The following ADAM23 variants were observed in gnomAD, a reference collection of about 807,000 sequenced individuals.
ADAM23 encodes disintegrin and metalloproteinase domain-containing protein 23.
Under a neutral mutation model 120.1 loss-of-function variants are expected in ADAM23, and 33 were observed. The ratio of observed to expected loss-of-function variants is 0.27; its 90% confidence interval spans 0.21 to 0.37. The LOEUF is 0.37. Among genes scored for constraint, ADAM23 ranks in the 10% least tolerant of loss-of-function variants. The pLI, the probability that ADAM23 is intolerant of heterozygous loss-of-function variation, is 1.00. For missense variants in ADAM23, 862 were observed against 1,058.2 expected, an observed-to-expected ratio of 0.81 and a Z score of 2.57; for synonymous variants, 367 against 375.2, an observed-to-expected ratio of 0.98 and a Z score of 0.25.
At chr2:206,473,902 A>G (rs1053864699) in intron 2 of ADAM23, among the ~76,000 whole-genome samples, 4 of 150,150 alleles carry the variant, frequency 2.7e-5, no homozygotes, top group Admixed American at 6.7e-5. Context: ...GGTCCCAGCT[A>G]TTTGGGAGGC....
intron 2 of ADAM23, among the ~76,000 whole-genome samples, chr2:206,455,194 T>C (rs1384160074): frequency 6.6e-6 from 1 of 152,250 alleles, no homozygotes; most frequent in Non-Finnish European, 1.5e-5. Context: ...GCCTTGACTT[T>C]TACCTTCTGC....
rs3732079 is a variant in ADAM23 at position 206,594,743 on chromosome 2, C to T, written c.2085C>T (p.Ala695=). 173,703 of 1,613,514 alleles carry T rather than the reference C, an allele frequency of 0.11. 10,728 individuals carry two copies. The highest frequency in any genetic ancestry group is 0.23 in the African/African-American group (17,258 of 74,902). Residue 695 remains alanine (A), a synonymous_variant, in exon 23 of 26, where the codon GCC becomes GCT. Coordinates refer to ENST00000264377, the MANE Select transcript of ADAM23 (RefSeq NM_003812.4). ...GGTATCTTTCTTGTTTTAGTGGTGCCCATGTAGTTTTAGATGATGATACGG... is the reference window on the plus strand; with the variant it reads ...GGTATCTTTCTTGTTTTAGTGGTGCTCATGTAGTTTTAGATGATGATACGG... ...HQGRVIDCSG[A]HVVLDDDTDV... is the part of the protein sequence containing the mutation.
intron 22 of ADAM23, among the ~76,000 whole-genome samples, chr2:206,594,455 G>A (rs971116434): frequency 3.2e-4 from 48 of 152,102 alleles, no homozygotes; most frequent in African/African-American, 1.1e-3. Flanking sequence ...TAGTCTTAAT[G>A]TTGGGTCTTG....
At chr2:206,520,819 C>T (rs2105789957) in intron 3 of ADAM23, among the ~76,000 whole-genome samples, 1 of 152,130 alleles carries the variant, frequency 6.6e-6, no homozygotes, top group South Asian at 2.1e-4. Context: ...TCTAGAGTTC[C>T]CTTTCCTTTG....
At position 206,547,496 on chromosome 2, in the gene ADAM23, A is replaced by G; in HGVS notation, c.788A>G (p.Asn263Ser). Residue 263 changes from asparagine to serine, a missense_variant, in exon 7 of 26, where the codon AAT becomes AGT. Around this residue, in one of 4 missense-constraint regions of ADAM23, gnomAD observed 617 missense variants for 813.5 expected, o/e 0.76. Coordinates refer to ENST00000264377, the MANE Select transcript of ADAM23 (RefSeq NM_003812.4). ...GGACAGTATTCTAAGCAAATGAAGA[A>G]TCTCAGTAAGTTTTAACTAAAAATA... is the stretch of plus-strand genomic sequence containing the variant. ...LAGQYSKQMK[N>S]LTMERGDQWP... 6.2e-7 allele frequency: 1 copy of G among 1,610,100 alleles called. No individual in the cohort carries two copies.
intron 2 of ADAM23, among the ~76,000 whole-genome samples, chr2:206,472,974 G>A (rs986768587): frequency 3.9e-5 from 6 of 152,096 alleles, no homozygotes; most frequent in Non-Finnish European, 7.4e-5. Flanking sequence ...GCCTTCAAAC[G>A]GTATGACTTA....
At chr2:206,519,559 ATAG>A (rs1696803925) in intron 3 of ADAM23, among the ~76,000 whole-genome samples, 1 of 152,132 alleles carries the variant, frequency 6.6e-6, no homozygotes, top group African/African-American at 2.4e-5. Flanking sequence ...ACTTTGTATG[ATAG>A]TAGTTTTGTA....
intron 18 of ADAM23, among the ~76,000 whole-genome samples, chr2:206,584,237 A>G (rs1698276492): frequency 6.6e-6 from 1 of 152,134 alleles, no homozygotes; most frequent in African/African-American, 2.4e-5. Flanking sequence ...AGCTGTGGAT[A>G]CCAGTGCCTG....
chr2:206,532,452 A>C (rs1697084032), intron 4 of ADAM23, among the ~76,000 whole-genome samples: 1 of 152,146 alleles, frequency 6.6e-6, no homozygotes, highest in Admixed American at 6.5e-5. Flanking sequence ...AAAACTTAAA[A>C]GGTATTTCAA....
intron 2 of ADAM23, among the ~76,000 whole-genome samples, chr2:206,470,211 C>G (rs1695625594): frequency 6.6e-6 from 1 of 151,964 alleles, no homozygotes; most frequent in South Asian, 2.1e-4. Context: ...AATATATAAT[C>G]TGAGGAAATA....
intron 13 of ADAM23, among the ~76,000 whole-genome samples, chr2:206,563,727 C>CTT (rs3084932): frequency 5.0e-5 from 7 of 140,500 alleles, no homozygotes; most frequent in East Asian, 2.1e-4. Context: ...TCCTAAAATT[C>CTT]TTTTTTTTTT....
At chr2:206,612,171 G>A (rs1387153969) in intron 25 of ADAM23, among the ~76,000 whole-genome samples, 2 of 152,168 alleles carry the variant, frequency 1.3e-5, no homozygotes, top group Non-Finnish European at 2.9e-5. Flanking sequence ...TGCTACATGA[G>A]GACCTTAATT....
rs1408894913 is a variant in ADAM23 at position 206,571,907 on chromosome 2, A to G, written c.1656+91A>G. ...ACTGAGCATTTGTGTAGCTTGTCAC[A>G]AATTTCTTGGGTACAGTGTACATAT... On this transcript the variant is annotated intron_variant, in intron 17 of 25. Coordinates refer to ENST00000264377, the MANE Select transcript of ADAM23 (RefSeq NM_003812.4). 2.6e-6 allele frequency: 3 copies of G among 1,175,186 alleles called. No individual in the cohort carries two copies. The East Asian group carries it at 7.2e-5, about 28-fold the overall frequency. 72.8% of individuals were successfully genotyped at this position (1,175,186 alleles called of 1,614,324 possible). A position where few individuals can be genotyped will look rare whatever the true frequency, so the allele number is the denominator to read the frequency against.
At chr2:206,581,671 A>G (rs1327959132) in intron 18 of ADAM23, among the ~76,000 whole-genome samples, 5 of 152,180 alleles carry the variant, frequency 3.3e-5, no homozygotes, top group Non-Finnish European at 7.3e-5. Flanking sequence ...AGTTCCATGC[A>G]CTGTTGAATA....
chr2:206,500,023 T>C (rs1237226026), intron 3 of ADAM23, among the ~76,000 whole-genome samples: 1 of 152,162 alleles, frequency 6.6e-6, no homozygotes. Flanking sequence ...CCTGAAGATA[T>C]GCTGTTTGGA....
At chr2:206,599,931 G>C (rs1187039413) in intron 24 of ADAM23, among the ~76,000 whole-genome samples, 2 of 152,214 alleles carry the variant, frequency 1.3e-5, no homozygotes, top group Non-Finnish European at 2.9e-5. Flanking sequence ...GCCGGGCACG[G>C]TGGCTCACGC....
intron 2 of ADAM23, 39 bp downstream of exon 2, chr2:206,445,563 A>G (rs765640159): frequency 6.5e-6 from 10 of 1,531,388 alleles, no homozygotes; most frequent in Non-Finnish European, 8.9e-6. Flanking sequence ...AACTATCATG[A>G]AGAGTTTTCC....
chr2:206,542,354 AT>A (rs1222330720), intron 5 of ADAM23, among the ~76,000 whole-genome samples: 10 of 152,202 alleles, frequency 6.6e-5, no homozygotes, highest in African/African-American at 2.2e-4. Flanking sequence ...TTTAATCACC[AT>A]TGTGTTAAGA....
chr2:206,501,263 G>A (rs891641509), intron 3 of ADAM23, among the ~76,000 whole-genome samples: 6 of 151,946 alleles, frequency 3.9e-5, no homozygotes, highest in Non-Finnish European at 2.9e-5. Context: ...TCCCTATTGA[G>A]AGCTCTTCTG....
Sources: allele counts gnomAD v4.1 joint callset (sites outside exome capture counted in the v4.1 genomes callset), GRCh38; gene constraint gnomAD v4.1.1; regional missense constraint gnomAD v4.1.1; transcripts MANE v1.5; gene names NCBI Gene and HGNC (gene_info 2026-07-23, HGNC 2026-07-21).